TG: variants seen among roughly 807,000 people sequenced by gnomAD.
TG encodes the protein thyroid hormones.
TG carries 270 observed loss-of-function variants against 324.7 expected under a neutral mutation model. That is an observed-to-expected ratio of 0.83 (90% CI 0.75 to 0.92). The LOEUF is 0.92. Ranked by LOEUF, TG falls within the 40% of genes least tolerant of loss-of-function variation. TG has a pLI of 0.00. For synonymous variants in TG, 1,401 were observed against 1,327.0 expected (o/e 1.06, Z -1.21); for missense variants, 3,591 against 3,456.4 (o/e 1.04, Z -0.98).
intron 3 of TG, 121 bp from the exon 4 acceptor site, chr8:132,871,227 C>A (rs1055722418): frequency 2.0e-6 from 2 of 1,009,828 alleles, no homozygotes; most frequent in African/African-American, 1.6e-5. Flanking sequence ...ACTGCGTGTC[C>A]TTGGGCGGGT....
chr8:133,063,590 G>A (rs1466032318), intron 41 of TG: 1 of 152,102 alleles, frequency 6.6e-6, no homozygotes, highest in African/African-American at 2.4e-5. Flanking sequence ...CCAGGGTCAT[G>A]AGATGAGAAA....
chr8:133,069,805 A>G (rs930666336), intron 41 of TG, among the ~76,000 whole-genome samples: 5 of 152,050 alleles, frequency 3.3e-5, no homozygotes, highest in African/African-American at 9.7e-5. Context: ...GTTCAAGACC[A>G]GCCCGGCCAA....
chr8:133,029,796 TA>T, intron 40 of TG, 24 bp from the exon 41 acceptor site: 1 of 1,613,926 alleles, frequency 6.2e-7, no homozygotes, highest in Non-Finnish European at 8.5e-7. Flanking sequence ...TCACAAAGGA[TA>T]AAAGGCTTTC....
chr8:133,134,477 C>G (rs1301528601), intron 47 of TG, among the ~76,000 whole-genome samples, 199 bp from the exon 48 acceptor site: 1 of 152,230 alleles, frequency 6.6e-6, no homozygotes, highest in Non-Finnish European at 1.5e-5. Context: ...GACAACAAAT[C>G]CAAGTACCAT....
intron 39 of TG, 83 bp downstream of exon 39, chr8:133,019,778 C>T (rs1348530874): frequency 3.4e-6 from 4 of 1,176,402 alleles, no homozygotes; most frequent in Non-Finnish European, 3.7e-6. Context: ...CAGCACAGTT[C>T]AGTCTCCTCC....
rs555605197 is a variant in TG, at chr8:132,885,519, C to T, written c.1076-929C>T. On this transcript the variant is annotated intron_variant, in intron 8 of 47. Coordinates refer to ENST00000220616, the MANE Select transcript of TG (RefSeq NM_003235.5). ...AACAGCATTTCAGATATGGTTCTTG[C>T]CCTCAAGGAGACCATAGCTAGCCTA... Among the ~76,000 whole-genome samples the T allele has an allele frequency of 2.7e-5, 4 of 150,870 alleles. No individual in the cohort carries two copies. The East Asian group carries it at 5.8e-4, about 22-fold the overall frequency.
chr8:132,951,665 C>A (rs1376089913), intron 27 of TG, among the ~76,000 whole-genome samples: 1 of 152,028 alleles, frequency 6.6e-6, no homozygotes, highest in Non-Finnish European at 1.5e-5. Flanking sequence ...GAAGTGTGCA[C>A]TATGATAGGG....
intron 43 of TG, chr8:133,102,562 A>G (rs1849403793): frequency 6.4e-7 from 1 of 1,551,662 alleles, no homozygotes; most frequent in Non-Finnish European, 8.7e-7. Context: ...CCGGTGGAGC[A>G]TCAGGGCTGC....
At chr8:133,001,795 G>A (rs1317939756) in intron 35 of TG, 1 of 985,434 alleles carries the variant, frequency 1.0e-6, no homozygotes, top group Non-Finnish European at 1.2e-6. Context: ...TTTGCTGGGG[G>A]CCTGAAAGAC....
chr8:133,088,062 G>A (rs1240061174), intron 41 of TG, among the ~76,000 whole-genome samples: 3 of 152,234 alleles, frequency 2.0e-5, no homozygotes, highest in South Asian at 4.1e-4. Flanking sequence ...TAGGATGGTA[G>A]TGGGAGTTTA....
chr8:133,071,690 C>T (rs12545159), intron 41 of TG, among the ~76,000 whole-genome samples: 29,284 of 151,900 alleles, frequency 0.19, 3,121 homozygotes, highest in Non-Finnish European at 0.24. Context: ...GGAGGGAACA[C>T]GTTCAGCTCC....
chr8:133,066,106 G>A (rs1461626373), intron 41 of TG, among the ~76,000 whole-genome samples: 4 of 152,122 alleles, frequency 2.6e-5, no homozygotes, highest in Admixed American at 1.3e-4. Context: ...GGCAGATCAC[G>A]AGGTGAGGAG....
intron 43 of TG, among the ~76,000 whole-genome samples, chr8:133,101,177 G>A (rs1484596732): frequency 1.3e-5 from 2 of 152,060 alleles, no homozygotes; most frequent in Admixed American, 6.6e-5. Context: ...CCCACCATAC[G>A]CAAGCATCAC....
chr8:132,959,309 A>T (rs961035891), intron 27 of TG, among the ~76,000 whole-genome samples: 1 of 152,212 alleles, frequency 6.6e-6, no homozygotes, highest in Non-Finnish European at 1.5e-5. Context: ...CATGCACCTC[A>T]AAAAGACACT....
At chr8:133,006,320 C>A (rs886618255) in intron 35 of TG, among the ~76,000 whole-genome samples, 1 of 152,204 alleles carries the variant, frequency 6.6e-6, no homozygotes, top group African/African-American at 2.4e-5. Flanking sequence ...CAAACTTGGA[C>A]GTGTGTCGGA....
intron 41 of TG, among the ~76,000 whole-genome samples, chr8:133,083,672 ATC>A: frequency 6.6e-6 from 1 of 152,154 alleles, no homozygotes; most frequent in Admixed American, 6.5e-5. Context: ...AAAGCCCATG[ATC>A]TCTCTATTTT....
chr8:132,887,648 T>G, intron 9 of TG, 100 bp downstream of exon 9: 1 of 1,507,160 alleles, frequency 6.6e-7, no homozygotes, highest in Non-Finnish European at 9.2e-7. Flanking sequence ...GGCCAATGCT[T>G]ACACTTCAGT....
chr8:133,078,479 A>T (rs1015726934), intron 41 of TG, among the ~76,000 whole-genome samples: 2 of 152,208 alleles, frequency 1.3e-5, no homozygotes, highest in Admixed American at 1.3e-4. Flanking sequence ...ACTGTTCCTC[A>T]GTGATTCACA....
intron 11 of TG, among the ~76,000 whole-genome samples, chr8:132,895,782 C>A (rs1817003092): frequency 6.6e-6 from 1 of 152,156 alleles, no homozygotes; most frequent in Non-Finnish European, 1.5e-5. Context: ...CAGTTGTGAC[C>A]ACTTTGGTCA....
Sources: allele counts gnomAD v4.1 joint callset (sites outside exome capture counted in the v4.1 genomes callset), GRCh38; gene constraint gnomAD v4.1.1; transcripts MANE v1.5; gene names NCBI Gene and HGNC (gene_info 2026-07-23, HGNC 2026-07-21).